Variants in GALNT7 observed in about 807,000 individuals in gnomAD.
The protein encoded by GALNT7 is polypeptide N-acetylgalactosaminyltransferase 7.
A neutral mutation model predicts 82.1 loss-of-function variants in GALNT7; 60 were observed. That is an observed-to-expected ratio of 0.73 (90% CI 0.59 to 0.91). The LOEUF (loss-of-function observed/expected upper bound fraction) is 0.91, where lower values mean the gene tolerates loss of function less well. GALNT7 is among the 40% of genes least tolerant of loss of function. The pLI, the probability that GALNT7 is intolerant of heterozygous loss-of-function variation, is 0.00. For missense variants in GALNT7, 660 were observed against 804.2 expected, an observed-to-expected ratio of 0.82 and a Z score of 2.17; for synonymous variants, 243 against 275.1, an observed-to-expected ratio of 0.88 and a Z score of 1.15.
chr4:173,301,868 G>A (rs1736952215), intron 6 of GALNT7, among the ~76,000 whole-genome samples, 179 bp from the exon 7 acceptor site: 1 of 152,138 alleles, frequency 6.6e-6, no homozygotes, highest in Non-Finnish European at 1.5e-5. Context: ...AATTCGTTAG[G>A]GAATTATGAA....
In GALNT7 at chr4:173,236,556, A is replaced by C. The variant is rs187599290; in HGVS notation, c.127-11424A>C. On this transcript the variant is annotated intron_variant, in intron 1 of 11. Coordinates refer to ENST00000265000, the MANE Select transcript of GALNT7 (RefSeq NM_017423.3). ...TGAACCTCTCAGCAGTTCTTAAGAG[A>C]CCCTCTGAGGAACTTGCCAGTATCT... Among the ~76,000 whole-genome samples the C allele has an allele frequency of 1.7e-3, 266 of 152,178 alleles. 3 individuals are homozygous for C. The highest frequency in any genetic ancestry group is 6.0e-3 in the African/African-American group (250 of 41,510).
At chr4:173,299,194 G>C (rs1248410384) in intron 6 of GALNT7, among the ~76,000 whole-genome samples, 1 of 152,116 alleles carries the variant, frequency 6.6e-6, no homozygotes, top group African/African-American at 2.4e-5. Context: ...AACGCTGTGG[G>C]ATTTGGGCAT....
intron 1 of GALNT7, among the ~76,000 whole-genome samples, chr4:173,177,528 G>A (rs1185245303): frequency 1.3e-5 from 2 of 152,130 alleles, no homozygotes; most frequent in Non-Finnish European, 2.9e-5. Flanking sequence ...GAAGAAACAT[G>A]GAAAATGCCT....
chr4:173,239,211 T>C (rs73870601), intron 1 of GALNT7, among the ~76,000 whole-genome samples: 5,163 of 152,286 alleles, frequency 0.034, 274 homozygotes, highest in African/African-American at 0.12. Context: ...TTTAGATTTG[T>C]AGGGAAATAA....
In GALNT7 at chr4:173,215,606, G is replaced by A. The variant is rs548183926; in HGVS notation, c.127-32374G>A. ...AGAGCTGTGAGCTGGGGGAGGGCCC[G>A]TTGTTTTGACCCTAAGACCTAGCCT... On this transcript the variant is annotated intron_variant, in intron 1 of 11. Transcript: ENST00000265000. Among the ~76,000 whole-genome samples, 35 of 152,248 alleles carry A rather than the reference G, an allele frequency of 2.3e-4. No homozygotes were observed. In the Middle Eastern group the frequency reaches 0.01, roughly 44 times the overall value.
intron 1 of GALNT7, among the ~76,000 whole-genome samples, chr4:173,228,707 A>G (rs1733922113): frequency 6.6e-6 from 1 of 152,152 alleles, no homozygotes; most frequent in Non-Finnish European, 1.5e-5. Flanking sequence ...CCAACATTAA[A>G]TTGTTTTTAC....
At chr4:173,283,854 G>C (rs144198163) in intron 2 of GALNT7, among the ~76,000 whole-genome samples, 16 of 152,250 alleles carry the variant, frequency 1.1e-4, no homozygotes, top group Non-Finnish European at 2.2e-4. Flanking sequence ...AAATAAAGTA[G>C]ATTCTTATTG....
At chr4:173,242,354 C>T (rs1734466062) in intron 1 of GALNT7, among the ~76,000 whole-genome samples, 2 of 152,176 alleles carry the variant, frequency 1.3e-5, no homozygotes, top group Non-Finnish European at 2.9e-5. Context: ...AAGCATGCTT[C>T]ATCCATTTTC....
chr4:173,185,153 G>C (rs192430706), intron 1 of GALNT7, among the ~76,000 whole-genome samples: 222 of 152,304 alleles, frequency 1.5e-3, no homozygotes, highest in African/African-American at 5.2e-3. Flanking sequence ...GCTTTGACAG[G>C]TTTGTCATGA....
intron 2 of GALNT7, among the ~76,000 whole-genome samples, chr4:173,258,680 T>C (rs911450487): frequency 2.6e-5 from 4 of 152,176 alleles, no homozygotes; most frequent in African/African-American, 9.7e-5. Flanking sequence ...TATTTTTGGA[T>C]GATGAAAGTG....
rs17059219 is a variant in GALNT7, at chr4:173,225,333, A to G, written c.127-22647A>G. ...GGAGAAATGTTTAAGGAAATGGGAA[A>G]AGGGTTGACTGGGAAGTAAAAAGAA... is the stretch of plus-strand genomic sequence containing the variant. On this transcript the variant is annotated intron_variant, in intron 1 of 11. Transcript: ENST00000265000. Among the ~76,000 whole-genome samples the G allele has an allele frequency of 3.0e-3, 454 of 152,268 alleles. 2 individuals carry two copies. Among genetic ancestry groups the G allele is most frequent in the African/African-American group, 0.01 (421 of 41,564 alleles).
chr4:173,258,722 C>T (rs911165407), intron 2 of GALNT7, among the ~76,000 whole-genome samples: 1 of 152,136 alleles, frequency 6.6e-6, no homozygotes, highest in Non-Finnish European at 1.5e-5. Flanking sequence ...TTGCAGGTCA[C>T]GTAACTCGAA....
intron 1 of GALNT7, among the ~76,000 whole-genome samples, chr4:173,207,142 G>C (rs911132437): frequency 3.0e-4 from 45 of 152,150 alleles, no homozygotes; most frequent in African/African-American, 1.0e-3. Flanking sequence ...TTTCATAGCT[G>C]TCTAATTTAT....
At chr4:173,249,739 A>G (rs1009328962) in intron 2 of GALNT7, among the ~76,000 whole-genome samples, 2 of 152,116 alleles carry the variant, frequency 1.3e-5, no homozygotes, top group Non-Finnish European at 2.9e-5. Flanking sequence ...TTTAAATTGG[A>G]TTTCCCTGAA....
intron 1 of GALNT7, among the ~76,000 whole-genome samples, chr4:173,229,285 C>G (rs1179467059): frequency 6.6e-6 from 1 of 152,056 alleles, no homozygotes; most frequent in Admixed American, 6.5e-5. Flanking sequence ...ATTACAGTAG[C>G]CTTTCCTGAG....
intron 5 of GALNT7, chr4:173,297,750 G>C: frequency 9.6e-7 from 1 of 1,036,498 alleles, no homozygotes. Flanking sequence ...TGCTGAACTA[G>C]TCTTGGGTTC....
rs1737892809 is a variant in GALNT7 at position 173,323,409 on chromosome 4, A to C, written c.*1692A>C. ...CTACTGATCTGTGATCAACCATTTT[A>C]ACTTTCATCTCTAGGGATGTTTAAC... On this transcript the variant is annotated 3_prime_UTR_variant, in exon 12 of 12. Transcript: ENST00000265000. 1 of 152,582 alleles carries C rather than the reference A, an allele frequency of 6.6e-6. No homozygotes were observed. Among genetic ancestry groups the C allele is most frequent in the Admixed American group, 6.5e-5 (1 of 15,272 alleles). 9.5% of individuals were successfully genotyped at this position (152,582 alleles called of 1,614,324 possible).
At chr4:173,321,487 A>T (rs985384692) in intron 11 of GALNT7, 93 bp from the exon 12 acceptor site, 2 of 856,490 alleles carry the variant, frequency 2.3e-6, no homozygotes, top group Non-Finnish European at 3.8e-6. Flanking sequence ...CCATTTCCTT[A>T]AACTGTCTCC....
intron 1 of GALNT7, among the ~76,000 whole-genome samples, chr4:173,193,179 A>G (rs775808313): frequency 2.1e-4 from 32 of 152,220 alleles, no homozygotes; most frequent in Non-Finnish European, 4.1e-4. Flanking sequence ...ACCTTCTAAT[A>G]TTACCATGAG....
Sources: allele counts gnomAD v4.1 joint callset (sites outside exome capture counted in the v4.1 genomes callset), GRCh38; gene constraint gnomAD v4.1.1; transcripts MANE v1.5; gene names NCBI Gene and HGNC (gene_info 2026-07-23, HGNC 2026-07-21).